The following PLEKHG5 variants were observed in gnomAD, a reference collection of about 807,000 sequenced individuals.
PLEKHG5 encodes the protein pleckstrin homology domain-containing family G member 5.
PLEKHG5 carries 52 observed loss-of-function variants against 103.8 expected under a neutral mutation model. That is an observed-to-expected ratio of 0.50 (90% CI 0.40 to 0.63). The LOEUF (loss-of-function observed/expected upper bound fraction) is 0.63. Ranked by LOEUF, PLEKHG5 falls within the 30% of genes least tolerant of loss-of-function variation. PLEKHG5 has a pLI of 0.00. For synonymous variants in PLEKHG5, 592 were observed against 575.5 expected (o/e 1.03, Z -0.41); for missense variants, 1,205 against 1,347.6 (o/e 0.89, Z 1.66).
At chr1:6,480,425 G>A (rs947781355) in intron 1 of PLEKHG5, among the ~76,000 whole-genome samples, 2 of 151,628 alleles carry the variant, frequency 1.3e-5, no homozygotes, top group African/African-American at 2.4e-5. Flanking sequence ...AGCTACTCAG[G>A]AGGCTGAGGC....
At position 6,490,492 on chromosome 1, in the gene PLEKHG5, C is replaced by G. The variant is rs1645129848; in HGVS notation, c.-88+1145G>C. The G allele has an allele frequency of 1.0e-6, 1 of 965,420 alleles. No homozygotes were observed. The highest frequency in any genetic ancestry group is 1.2e-6 in the Non-Finnish European group (1 of 817,636). 59.8% of individuals were successfully genotyped at this position (965,420 alleles called of 1,614,324 possible). On this transcript the variant is annotated intron_variant, in intron 1 of 20. Coordinates refer to ENST00000377728, the MANE Select transcript of PLEKHG5 (RefSeq NM_020631.6). The surrounding 1 kb of genome is among the most constrained non-coding windows in gnomAD (Gnocchi z 8.0). ...CTCCCCGGTGTCTAAGGCTCTAAGG[C>G]TCGGGCCGAGACTGCCAAAGCCTCA...
intron 1 of PLEKHG5, among the ~76,000 whole-genome samples, chr1:6,507,372 T>A (rs113203692): frequency 0.02 from 3,062 of 151,916 alleles, 105 homozygotes; most frequent in African/African-American, 0.07. Context: ...AAGGTGGGGG[T>A]GATCAGAGGG....
chr1:6,468,373 G>A lies in PLEKHG5; in HGVS notation c.2463C>T (p.Thr821=). 6.2e-7 allele frequency: 1 copy of A among 1,609,632 alleles called. No individual in the cohort carries two copies. Among genetic ancestry groups the A allele is most frequent in the Non-Finnish European group, 8.5e-7 (1 of 1,178,376 alleles). Reference sequence around the variant, plus strand: ...AGTCTTGTAAGGAGGTTGGGGAGAGGGTGCCGTAGGCAGAGTCCATGGAGC... The same window carrying A: ...AGTCTTGTAAGGAGGTTGGGGAGAGAGTGCCGTAGGCAGAGTCCATGGAGC... The part of the protein sequence containing the change: ...RSCSMDSAYG[T]LSPTSLQDFV... Residue 821 remains threonine (T), a synonymous_variant, in exon 20 of 21, where the codon ACC becomes ACT. Transcript: ENST00000377728.
chr1:6,519,067 C>G (rs2148642251), intron 1 of PLEKHG5, among the ~76,000 whole-genome samples: 1 of 152,316 alleles, frequency 6.6e-6, no homozygotes, highest in African/African-American at 2.4e-5. Flanking sequence ...TGGTCTCGAT[C>G]TCCTAACCTT....
chr1:6,471,320 A>T, intron 12 of PLEKHG5, 168 bp downstream of exon 12: 1 of 862,864 alleles, frequency 1.2e-6, no homozygotes, highest in Non-Finnish European at 1.8e-6. Flanking sequence ...GGAGGCTCAA[A>T]CCCGGGCGAC....
chr1:6,471,952 C>A, intron 10 of PLEKHG5, 144 bp from the exon 11 acceptor site: 4 of 834,984 alleles, frequency 4.8e-6, no homozygotes, highest in Non-Finnish European at 7.9e-6. Flanking sequence ...AGGCTGTACC[C>A]TTTGGCCTTC....
intron 1 of PLEKHG5, among the ~76,000 whole-genome samples, chr1:6,507,574 C>T (rs984152314): frequency 2.6e-5 from 4 of 152,164 alleles, no homozygotes; most frequent in East Asian, 3.9e-4. Flanking sequence ...CAACAGAGAC[C>T]CAAGGCCCAG....
chr1:6,502,502 G>C (rs1446695598), intron 1 of PLEKHG5, among the ~76,000 whole-genome samples: 1 of 152,164 alleles, frequency 6.6e-6, no homozygotes, highest in South Asian at 2.1e-4. Flanking sequence ...TCCTTCCTGG[G>C]GCCCAAGAAA....
At position 6,490,662 on chromosome 1, in the gene PLEKHG5, C is replaced by T; in HGVS notation, c.-88+975G>A. The T allele has an allele frequency of 1.1e-6, 1 of 945,200 alleles. No individual in the cohort carries two copies. The highest frequency in any genetic ancestry group is 1.3e-6 in the Non-Finnish European group (1 of 793,508). 58.6% of individuals were successfully genotyped at this position (945,200 alleles called of 1,614,324 possible). On this transcript the variant is annotated intron_variant, in intron 1 of 20. Transcript: ENST00000377728. The surrounding 1 kb of genome is among the most constrained non-coding windows in gnomAD (Gnocchi z 8.0). ...GCCGGGATGTACCAACGGCGCCGCC[C>T]GGCTGGGACCGGGGAGAGGAGGGGT... is the stretch of plus-strand genomic sequence containing the variant.
At chr1:6,496,989 AG>A, upstream of PLEKHG5, 2 of 1,528,016 alleles carry the variant, frequency 1.3e-6, no homozygotes, top group South Asian at 2.4e-5. Flanking sequence ...GAGACAGAGG[AG>A]CCCCCGAAGG....
chr1:6,469,215 C>T lies in PLEKHG5; in HGVS notation c.2076G>A (p.Gln692=), dbSNP rs746588439. 4 of 1,613,736 alleles carry T rather than the reference C, an allele frequency of 2.5e-6. No homozygotes were observed. In the South Asian group the frequency reaches 4.4e-5, roughly 18 times the overall value. The change falls in exon 19 of 21, where the codon CAG becomes CAA. Residue 692 remains glutamine, a synonymous_variant. Coordinates refer to ENST00000377728, the MANE Select transcript of PLEKHG5 (RefSeq NM_020631.6). ...GGGGCTGCTGACTGCCTGGGGGCTC[C>T]TGTGCACGCAGCTGTTGCAGCTGGT... The part of the protein sequence containing the change: ...AQNQLQQLRA[Q]EPPGSQQPLQ...
In PLEKHG5 at chr1:6,471,107, C is replaced by T. The variant is rs780551776; in HGVS notation, c.1282-7G>A. The T allele has an allele frequency of 6.4e-7, 1 of 1,569,932 alleles. No individual in the cohort carries two copies. Among genetic ancestry groups the T allele is most frequent in the Non-Finnish European group, 8.6e-7 (1 of 1,158,298 alleles). Reference sequence around the variant, plus strand: ...GCTTGAAGAGCGAGCCGAACTGGCCCGGGGCAGAACAACCACGGCGCCGGT... The same window carrying T: ...GCTTGAAGAGCGAGCCGAACTGGCCTGGGGCAGAACAACCACGGCGCCGGT... On this transcript the variant is annotated splice_region_variant and splice_polypyrimidine_tract_variant and intron_variant, in intron 12 of 20. Coordinates refer to ENST00000377728, the MANE Select transcript of PLEKHG5 (RefSeq NM_020631.6).
Position 6,491,640 on chromosome 1 carries a change from C to T in PLEKHG5, c.-91G>A. The T allele has an allele frequency of 1.0e-5, 10 of 985,144 alleles. No homozygotes were observed. Among genetic ancestry groups the T allele is most frequent in the Non-Finnish European group, 1.2e-5 (10 of 829,644 alleles). 61.0% of individuals were successfully genotyped at this position (985,144 alleles called of 1,614,324 possible). On this transcript the variant is annotated 5_prime_UTR_variant, in exon 1 of 21. Coordinates refer to ENST00000377728, the MANE Select transcript of PLEKHG5 (RefSeq NM_020631.6). This position sits in a 1 kb window ranked among gnomAD's most constrained non-coding sequence, Gnocchi z 4.1. Reference sequence around the variant, plus strand: ...GATTGCCTCTCCCATTACTCACATCCTGCCCGTCCCTTCTCCATGGGGGCC... The same window carrying T: ...GATTGCCTCTCCCATTACTCACATCTTGCCCGTCCCTTCTCCATGGGGGCC...
chr1:6,490,644 T>C lies in PLEKHG5; in HGVS notation c.-88+993A>G, dbSNP rs576205834. 1.2e-4 allele frequency: 116 copies of C among 979,130 alleles called. No individual in the cohort carries two copies. The African/African-American group carries it at 2.0e-3, about 17-fold the overall frequency. The allele number at this position is 979,130 out of a possible 1,614,324, so 60.7% of individuals were successfully genotyped here. On this transcript the variant is annotated intron_variant, in intron 1 of 20. Coordinates refer to ENST00000377728, the MANE Select transcript of PLEKHG5 (RefSeq NM_020631.6). This position sits in a 1 kb window ranked among gnomAD's most constrained non-coding sequence, Gnocchi z 8.0. Reference sequence around the variant, plus strand: ...GCGCTACCACCTGGACCGGCCGGGATGTACCAACGGCGCCGCCCGGCTGGG... The same window carrying C: ...GCGCTACCACCTGGACCGGCCGGGACGTACCAACGGCGCCGCCCGGCTGGG...
rs1645066464 is a variant in PLEKHG5, at chr1:6,487,646, C to G, written c.-88+3991G>C. ...CACCGGGCCCCAACTTAAATGTTAC[C>G]TCTAAGACGTCCTTTTCCCTCATCT... On this transcript the variant is annotated intron_variant, in intron 1 of 20. Transcript: ENST00000377728. The surrounding 1 kb of genome is among the most constrained non-coding windows in gnomAD (Gnocchi z 4.1). Among the ~76,000 whole-genome samples the G allele has an allele frequency of 6.6e-6, 1 of 152,196 alleles. No individual in the cohort carries two copies. The highest frequency in any genetic ancestry group is 1.5e-5 in the Non-Finnish European group (1 of 68,034).
intron 1 of PLEKHG5, among the ~76,000 whole-genome samples, chr1:6,511,285 T>C (rs1252638375): frequency 6.6e-6 from 1 of 152,082 alleles, no homozygotes; most frequent in Non-Finnish European, 1.5e-5. Context: ...CAGTCTCTGA[T>C]GGGCCCTGTG....
intron 1 of PLEKHG5, among the ~76,000 whole-genome samples, chr1:6,478,669 G>A (rs371228277): frequency 2.0e-5 from 3 of 151,658 alleles, no homozygotes; most frequent in East Asian, 3.9e-4. Context: ...TCTGAGAAGG[G>A]GTCTCGCTCT....
In PLEKHG5 at chr1:6,490,519, G is replaced by C. The variant is rs1645130676; in HGVS notation, c.-88+1118C>G. ...CGGGCCGAGACTGCCAAAGCCTCATGGGGCGCGCGGGGAGAGGGGGACGGG... is the reference window on the plus strand; with the variant it reads ...CGGGCCGAGACTGCCAAAGCCTCATCGGGCGCGCGGGGAGAGGGGGACGGG... On this transcript the variant is annotated intron_variant, in intron 1 of 20. Coordinates refer to ENST00000377728, the MANE Select transcript of PLEKHG5 (RefSeq NM_020631.6). This position sits in a 1 kb window ranked among gnomAD's most constrained non-coding sequence, Gnocchi z 8.0. The C allele has an allele frequency of 1.0e-6, 1 of 985,196 alleles. No homozygotes were observed. Among genetic ancestry groups the C allele is most frequent in the South Asian group, 4.7e-5 (1 of 21,290 alleles). 61.0% of individuals were successfully genotyped at this position (985,196 alleles called of 1,614,324 possible).
rs754002113 is a variant in PLEKHG5 at position 6,468,436 on chromosome 1, A to G, written c.2400T>C (p.Ser800=). 3 of 1,612,478 alleles carry G rather than the reference A, an allele frequency of 1.9e-6. No homozygotes were observed. The East Asian group carries it at 6.7e-5, about 36-fold the overall frequency. ...STTASSATPT[S]ELLPLGPVDG... ...CCACCGGACCCAGGGGCAGCAGCTC[A>G]CTGGTGGGCGTGGCAGATGAGGCAG... The change falls in exon 20 of 21, where the codon AGT becomes AGC. Residue 800 remains serine, a synonymous_variant. Coordinates refer to ENST00000377728, the MANE Select transcript of PLEKHG5 (RefSeq NM_020631.6).
Sources: gnomAD v4.1 joint callset for allele counts (sites outside exome capture counted in the v4.1 genomes callset) on GRCh38, gnomAD v4.1.1 for gene constraint, Gnocchi (gnomAD v3.1) non-coding constraint, MANE v1.5 for transcripts, NCBI Gene and HGNC (gene_info 2026-07-23, HGNC 2026-07-21) for gene names.